The following CRIP3 variants were observed in gnomAD, a reference collection of about 807,000 sequenced individuals.
CRIP3 encodes cysteine rich protein 3.
CRIP3 carries 23 observed loss-of-function variants against 30.3 expected under a neutral mutation model. The observed-to-expected ratio is 0.76, with a 90% confidence interval of 0.55 to 1.08. The LOEUF (loss-of-function observed/expected upper bound fraction) is 1.08, where lower values mean the gene tolerates loss of function less well. CRIP3 is among the 50% of genes least tolerant of loss of function. The pLI is 0.00. For missense variants in CRIP3, 261 were observed against 259.3 expected, an observed-to-expected ratio of 1.01 and a Z score of -0.04; for synonymous variants, 89 against 97.6, an observed-to-expected ratio of 0.91 and a Z score of 0.52.
Position 43,308,765 on chromosome 6 carries a change from G to A in CRIP3, c.28C>T (p.Gln10Ter), listed in dbSNP as rs758216040. Reference sequence around the variant, plus strand: ...CGGGCCTCACCGAAGAAAACAGGTTGCTGGCAACGCGGACAGGTCCAGCTC... The same window carrying A: ...CGGGCCTCACCGAAGAAAACAGGTTACTGGCAACGCGGACAGGTCCAGCTC... MSWTCPRCQQPVFFAEKVSS... is the reference protein window; with the variant it reads MSWTCPRCQ The change falls in exon 1 of 8, where the codon CAA becomes TAA. Residue 10 changes from glutamine to a stop codon, truncating the protein, a stop_gained. Transcript: ENST00000372569. LOFTEE classifies it high-confidence loss of function. The A allele has an allele frequency of 5.6e-6, 9 of 1,613,986 alleles. No individual in the cohort carries two copies. The highest frequency in any genetic ancestry group is 7.6e-6 in the Non-Finnish European group (9 of 1,180,008).
At chr6:43,308,518 G>A in intron 1 of CRIP3, 109 bp from the exon 2 acceptor site, 1 of 989,684 alleles carries the variant, frequency 1.0e-6, no homozygotes, top group South Asian at 1.5e-5. Context: ...CCTGCTTCCT[G>A]GAGATGAGTG....
chr6:43,308,729 C>T, intron 1 of CRIP3, 21 bp downstream of exon 1: 2 of 1,613,998 alleles, frequency 1.2e-6, no homozygotes, highest in Non-Finnish European at 1.7e-6. Context: ...ATCTTCTCCC[C>T]CTCCGCAGCC....
rs775105917 is a variant in CRIP3, at chr6:43,306,157, C to T, written c.496-33G>A. The T allele has an allele frequency of 3.7e-6, 6 of 1,614,098 alleles. No homozygotes were observed. The East Asian group carries it at 1.3e-4, about 36-fold the overall frequency. ...ACAGAGAGAAAGAGAGCTGTCTCAG[C>T]CTGGTTCTCTTCCCATCTCCAGCCT... On this transcript the variant is annotated intron_variant, in intron 6 of 7. Transcript: ENST00000372569.
chr6:43,306,516 G>A lies in CRIP3; in HGVS notation c.330C>T (p.Ser110=), dbSNP rs1181280666. ...CAGTGAATGTCTTCATATGGGGAGG[G>A]CCTTTAAAGGGGAAGAGGCCCTGGC... ...PRTGLPQGKK[S]PPHMKTFTGE... The change falls in exon 5 of 8, where the codon AGC becomes AGT. Residue 110 remains serine, a splice_region_variant and synonymous_variant. Transcript: ENST00000372569. 8 of 1,602,562 alleles carry A rather than the reference G, an allele frequency of 5.0e-6. No individual in the cohort carries two copies. Among genetic ancestry groups the A allele is most frequent in the Middle Eastern group, 1.7e-4 (1 of 5,984 alleles).
Position 43,307,703 on chromosome 6 carries a change from G to A in CRIP3, c.237C>T (p.Pro79=). Residue 79 remains proline, a synonymous_variant, in exon 4 of 8, where the codon CCC becomes CCT. Transcript: ENST00000372569. ...TGGTGCAGCCAGGGCTGGGAGTGGG[G>A]GGATTGTACAAGTAGGAGCCTACAC... ...IGGVGSYLYN[P]PTPSPGCTTP... 5.1e-6 allele frequency: 8 copies of A among 1,555,738 alleles called. No individual in the cohort carries two copies. Among genetic ancestry groups the A allele is most frequent in the Non-Finnish European group, 7.0e-6 (8 of 1,146,600 alleles).
In CRIP3 at chr6:43,307,605, G is replaced by A. The variant is rs749682698; in HGVS notation, c.328+7C>T. 1.6e-5 allele frequency: 23 copies of A among 1,464,230 alleles called. No individual in the cohort carries two copies. Among genetic ancestry groups the A allele is most frequent in the Middle Eastern group, 2.1e-4 (1 of 4,810 alleles). The allele number at this position is 1,464,230 out of a possible 1,614,324, so 90.7% of individuals were successfully genotyped here. A position where few individuals can be genotyped will look rare whatever the true frequency, so the allele number is the denominator to read the frequency against. Reference sequence around the variant, plus strand: ...GGAGGACTGGGAGGAGCTGAGCCCAGCCTTACTTTTCTTGCCTTGGGGGAG... The same window carrying A: ...GGAGGACTGGGAGGAGCTGAGCCCAACCTTACTTTTCTTGCCTTGGGGGAG... On this transcript the variant is annotated splice_region_variant and intron_variant, in intron 4 of 7. Coordinates refer to ENST00000372569, the MANE Select transcript of CRIP3 (RefSeq NM_206922.3).
In CRIP3 at chr6:43,306,224, C is replaced by T; in HGVS notation, c.490G>A (p.Ala164Thr). 1 of 1,614,202 alleles carries T rather than the reference C, an allele frequency of 6.2e-7. No homozygotes were observed. Among genetic ancestry groups the T allele is most frequent in the Admixed American group, 1.7e-5 (1 of 60,026 alleles). ...CHKTLTAGSHAEHDGVPYCHV... is the reference protein window; with the variant it reads ...CHKTLTAGSHTEHDGVPYCHV... ...CTCATTCCTGCCCTGCTCACCTCAG[C>T]ATGACTCCCAGCAGTCAGGGTCTTG... The change falls in exon 6 of 8, where the codon GCT becomes ACT. Residue 164 changes from alanine (A) to threonine (T), a missense_variant. By Grantham distance (58) the Ala-to-Thr change is moderately conservative. Coordinates refer to ENST00000372569, the MANE Select transcript of CRIP3 (RefSeq NM_206922.3).
At chr6:43,305,926 T>G in intron 7 of CRIP3, 51 bp from the exon 8 acceptor site, 1 of 1,613,632 alleles carries the variant, frequency 6.2e-7, no homozygotes, top group South Asian at 1.1e-5. Flanking sequence ...GGTGCAGGGT[T>G]CAGGCCTAGA....
rs370582150 is a variant in CRIP3 at position 43,306,048 on chromosome 6, C to G, written c.553+19G>C. The G allele has an allele frequency of 5.0e-6, 8 of 1,611,148 alleles. No homozygotes were observed. The highest frequency in any genetic ancestry group is 5.9e-6 in the Non-Finnish European group (7 of 1,178,530). On this transcript the variant is annotated intron_variant, in intron 7 of 7. Transcript: ENST00000372569. ...AGGCATGTACATGCCATCCCAGTGT[C>G]TGGGATGGGGCTGCCCACCTTTGGG...
intron 6 of CRIP3, 25 bp downstream of exon 6, chr6:43,306,194 A>G: frequency 6.2e-7 from 1 of 1,613,994 alleles, no homozygotes; most frequent in South Asian, 1.1e-5. Flanking sequence ...CTCCCAACAT[A>G]ACCACTCATT....
In CRIP3 at chr6:43,307,889, C is replaced by A; in HGVS notation, c.146G>T (p.Gly49Val). ...GCATGGCTTGTGGCAGTATGGCCTCCCATTGTGCTGGGCACAAGCAGAGGG... is the reference window on the plus strand; with the variant it reads ...GCATGGCTTGTGGCAGTATGGCCTCACATTGTGCTGGGCACAAGCAGAGGG... ...LSPGGHAEHNGRPYCHKPCYG... is the reference protein window; with the variant it reads ...LSPGGHAEHNVRPYCHKPCYG... The change falls in exon 3 of 8, where the codon GGG (glycine) becomes GTG (valine). Residue 49 changes from glycine to valine, a missense_variant. Physicochemically the swap from Gly to Val is moderately radical, Grantham distance 109. Transcript: ENST00000372569. 6.2e-7 allele frequency: 1 copy of A among 1,613,674 alleles called. No homozygotes were observed. The highest frequency in any genetic ancestry group is 8.5e-7 in the Non-Finnish European group (1 of 1,179,984).
In CRIP3 at chr6:43,306,272, A is replaced by G. The variant is rs775427644; in HGVS notation, c.442T>C (p.Cys148Arg). The change falls in exon 6 of 8, where the codon TGT becomes CGT. Residue 148 changes from cysteine to arginine, a missense_variant. Coordinates refer to ENST00000372569, the MANE Select transcript of CRIP3 (RefSeq NM_206922.3). ...MSLGRNWHRPCLRCQRCHKTL... is the reference protein window; with the variant it reads ...MSLGRNWHRPRLRCQRCHKTL... Reference sequence around the variant, plus strand: ...TTGTGGCAACGCTGGCACCTCAGACACGGTCGGTGCCAATTTCTGCCTAAT... The same window carrying G: ...TTGTGGCAACGCTGGCACCTCAGACGCGGTCGGTGCCAATTTCTGCCTAAT... 6.8e-6 allele frequency: 11 copies of G among 1,614,062 alleles called. No homozygotes were observed. In the Admixed American group the frequency reaches 1.8e-4, roughly 27 times the overall value.
rs775072627 is a variant in CRIP3 at position 43,307,665 on chromosome 6, G to A, written c.275C>T (p.Pro92Leu). The A allele has an allele frequency of 1.3e-6, 2 of 1,502,240 alleles. No individual in the cohort carries two copies. Among genetic ancestry groups the A allele is most frequent in the Non-Finnish European group, 1.8e-6 (2 of 1,123,288 alleles). The allele number at this position is 1,502,240 out of a possible 1,614,324, so 93.1% of individuals were successfully genotyped here. ...PSPGCTTPLS[P>L]SSFSPPRPRT... Reference sequence around the variant, plus strand: ...TGGCCTGGGAGGGCTGAAGCTGCTGGGGCTGAGAGGAGTGGTGCAGCCAGG... The same window carrying A: ...TGGCCTGGGAGGGCTGAAGCTGCTGAGGCTGAGAGGAGTGGTGCAGCCAGG... The change falls in exon 4 of 8, where the codon CCC becomes CTC. Residue 92 changes from proline (P) to leucine (L), a missense_variant. Physicochemically the swap from Pro to Leu is moderately conservative, Grantham distance 98 (BLOSUM62 -3). Coordinates refer to ENST00000372569, the MANE Select transcript of CRIP3 (RefSeq NM_206922.3).
rs1018115148 is a variant in CRIP3 at position 43,305,760 on chromosome 6, C to T, written c.*54G>A. 9.3e-6 allele frequency: 15 copies of T among 1,607,068 alleles called. No homozygotes were observed. Among genetic ancestry groups the T allele is most frequent in the Non-Finnish European group, 1.3e-5 (15 of 1,173,996 alleles). Reference sequence around the variant, plus strand: ...GGAGATTTTTGTAGCTTCCATTGGACCATGAGGGGCATGATGGGAGGCCTG... The same window carrying T: ...GGAGATTTTTGTAGCTTCCATTGGATCATGAGGGGCATGATGGGAGGCCTG... On this transcript the variant is annotated 3_prime_UTR_variant, in exon 8 of 8. Transcript: ENST00000372569.
At chr6:43,307,505 G>T in intron 4 of CRIP3, 107 bp downstream of exon 4, 2 of 1,086,870 alleles carry the variant, frequency 1.8e-6, no homozygotes, top group Non-Finnish European at 2.5e-6. Context: ...GAAGTTGTGA[G>T]AATGTGAAGC....
At chr6:43,307,982 G>A (rs1395890307) in intron 2 of CRIP3, 86 bp from the exon 3 acceptor site, 4 of 1,448,582 alleles carry the variant, frequency 2.8e-6, no homozygotes, top group Non-Finnish European at 3.8e-6. Context: ...GCTGCCAGGT[G>A]TGTCTGTCCA....
chr6:43,308,616 TG>T, intron 1 of CRIP3, 133 bp downstream of exon 1: 2 of 1,130,152 alleles, frequency 1.8e-6, no homozygotes, highest in Non-Finnish European at 2.6e-6. Flanking sequence ...TGGGAGCGGG[TG>T]GTGCGGAGAC....
At chr6:43,308,273 G>A in intron 2 of CRIP3, 42 bp downstream of exon 2, 7 of 1,491,774 alleles carry the variant, frequency 4.7e-6, no homozygotes, top group Non-Finnish European at 6.4e-6. Flanking sequence ...GGGGTGGGAG[G>A]CAGTGATGTA....
chr6:43,308,431 C>A (rs778555255), intron 1 of CRIP3, 22 bp from the exon 2 acceptor site: 9 of 1,602,000 alleles, frequency 5.6e-6, no homozygotes, highest in Admixed American at 3.4e-5. Context: ...AAAGTGGAAC[C>A]GAGCTGCGAG....
Sources: allele counts gnomAD v4.1 joint callset, GRCh38; gene constraint gnomAD v4.1.1; transcripts MANE v1.5; gene names NCBI Gene and HGNC (gene_info 2026-07-23, HGNC 2026-07-21).